The following MAML2 variants were observed in gnomAD, a reference collection of about 807,000 sequenced individuals.
MAML2 encodes the protein mastermind-like protein 2.
A neutral mutation model predicts 96.1 loss-of-function variants in MAML2; 22 were observed. That is an observed-to-expected ratio of 0.23 (90% confidence interval 0.16 to 0.33). The LOEUF (loss-of-function observed/expected upper bound fraction) is 0.33, where lower values mean the gene tolerates loss of function less well. MAML2 is among the 10% of genes least tolerant of loss of function. The pLI, the probability that MAML2 is intolerant of heterozygous loss-of-function variation, is 1.00. For synonymous variants in MAML2, 561 were observed against 521.3 expected (o/e 1.08, Z -1.04); for missense variants, 1,367 against 1,392.4 (o/e 0.98, Z 0.29).
chr11:96,061,269 G>T (rs1008824908), intron 2 of MAML2, among the ~76,000 whole-genome samples: 3 of 152,164 alleles, frequency 2.0e-5, no homozygotes, highest in African/African-American at 4.8e-5. Flanking sequence ...GAAGTAGTCT[G>T]CTTGGATTAT....
At chr11:96,019,850 C>T (rs1469917433) in intron 2 of MAML2, among the ~76,000 whole-genome samples, 2 of 152,058 alleles carry the variant, frequency 1.3e-5, no homozygotes, top group Non-Finnish European at 2.9e-5. Flanking sequence ...ACATCAAAGT[C>T]CATTTTAAGT....
At chr11:96,300,030 T>C (rs1863365595) in intron 1 of MAML2, among the ~76,000 whole-genome samples, 1 of 151,950 alleles carries the variant, frequency 6.6e-6, no homozygotes. Context: ...ACAGTGGAGA[T>C]AATAGAGGTT....
intron 1 of MAML2, among the ~76,000 whole-genome samples, chr11:96,195,825 A>G (rs1861721247): frequency 2.0e-5 from 3 of 152,226 alleles, no homozygotes; most frequent in African/African-American, 7.2e-5. Context: ...CCAAACTACT[A>G]TCCATGTAGC....
rs532994317 is a variant in MAML2, at chr11:96,226,405, C to A, written c.513+114978G>T. On this transcript the variant is annotated intron_variant, in intron 1 of 4. Coordinates refer to ENST00000524717, the MANE Select transcript of MAML2 (RefSeq NM_032427.4). ...CTATATAGTCTCTCACACATAAGAG[C>A]AATCATTGCCAATAATGCCATCCTC... is the stretch of plus-strand genomic sequence containing the variant. Among the ~76,000 whole-genome samples the A allele has an allele frequency of 3.3e-5, 5 of 152,274 alleles. No homozygotes were observed. The South Asian group carries it at 6.2e-4, about 19-fold the overall frequency.
At chr11:96,173,501 C>G (rs553523032) in intron 1 of MAML2, among the ~76,000 whole-genome samples, 4 of 152,226 alleles carry the variant, frequency 2.6e-5, no homozygotes, top group African/African-American at 9.6e-5. Flanking sequence ...AATGGCAATT[C>G]TGGGGGAAGA....
At position 96,031,860 on chromosome 11, in the gene MAML2, C is replaced by A. The variant is rs1858620685; in HGVS notation, c.2140-40137G>T. Among the ~76,000 whole-genome samples the A allele has an allele frequency of 2.6e-5, 4 of 152,062 alleles. No homozygotes were observed. The South Asian group carries it at 6.2e-4, about 24-fold the overall frequency. On this transcript the variant is annotated intron_variant, in intron 2 of 4. Coordinates refer to ENST00000524717, the MANE Select transcript of MAML2 (RefSeq NM_032427.4). ...AATTAGCTGGGCATGGTGGTGGACA[C>A]CTGTAGTCCCAGCCTCTTGGGAGGC...
intron 1 of MAML2, among the ~76,000 whole-genome samples, chr11:96,286,627 CTTTT>C (rs10550785): frequency 0.031 from 4,364 of 142,616 alleles, 76 homozygotes; most frequent in South Asian, 0.051. Context: ...TTCTTTTTAT[CTTTT>C]TTTTTTTTTT....
At chr11:96,267,906 T>C (rs1015992464) in intron 1 of MAML2, among the ~76,000 whole-genome samples, 1 of 152,358 alleles carries the variant, frequency 6.6e-6, no homozygotes, top group Non-Finnish European at 1.5e-5. Flanking sequence ...GCTATTTTCA[T>C]GCACTGTTTA....
chr11:96,113,835 A>G (rs1019347329), intron 1 of MAML2, among the ~76,000 whole-genome samples: 4 of 152,176 alleles, frequency 2.6e-5, no homozygotes, highest in African/African-American at 9.7e-5. Flanking sequence ...CTGAAAGCAT[A>G]TGAAGGCGGT....
At chr11:96,005,672 T>TG (rs1355384074) in intron 2 of MAML2, among the ~76,000 whole-genome samples, 2 of 152,226 alleles carry the variant, frequency 1.3e-5, no homozygotes, top group Admixed American at 6.5e-5. Flanking sequence ...ATGGAAATGT[T>TG]GAATAAATGT....
intron 1 of MAML2, among the ~76,000 whole-genome samples, chr11:96,315,142 CAT>C (rs919976125): frequency 2.0e-5 from 3 of 152,188 alleles, no homozygotes; most frequent in African/African-American, 7.2e-5. Flanking sequence ...CTCCATCAGA[CAT>C]ATTTTGCCTT....
chr11:96,071,064 G>A (rs966309844), intron 2 of MAML2, among the ~76,000 whole-genome samples: 1 of 152,204 alleles, frequency 6.6e-6, no homozygotes, highest in African/African-American at 2.4e-5. Flanking sequence ...AAAGCTAAGG[G>A]GCCTTCTGAG....
intron 2 of MAML2, among the ~76,000 whole-genome samples, chr11:96,039,874 C>T (rs532195772): frequency 1.3e-5 from 2 of 149,682 alleles, no homozygotes; most frequent in South Asian, 2.1e-4. Context: ...AGGAGAATGG[C>T]GTGAACCCGG....
At chr11:96,335,353 A>T (rs992682814) in intron 1 of MAML2, among the ~76,000 whole-genome samples, 1 of 152,234 alleles carries the variant, frequency 6.6e-6, no homozygotes, top group South Asian at 2.1e-4. Context: ...TGATTTACAC[A>T]TCAAGAGAGT....
chr11:96,215,425 C>T (rs1018839093), intron 1 of MAML2, among the ~76,000 whole-genome samples: 2 of 152,184 alleles, frequency 1.3e-5, no homozygotes, highest in African/African-American at 4.8e-5. Context: ...ATTTTTAATT[C>T]TCTGCTTTGT....
At chr11:96,102,092 C>T (rs926258176) in intron 1 of MAML2, among the ~76,000 whole-genome samples, 13 of 152,112 alleles carry the variant, frequency 8.5e-5, no homozygotes, top group Admixed American at 1.3e-4. Flanking sequence ...CTAGCTAACA[C>T]GGTGAAACAC....
chr11:96,076,430 T>TCC (rs1248476184), intron 2 of MAML2, among the ~76,000 whole-genome samples: 3 of 136,442 alleles, frequency 2.2e-5, no homozygotes, highest in Non-Finnish European at 4.5e-5. Flanking sequence ...TCTCTCTCTC[T>TCC]CTCACACACA....
chr11:96,170,792 G>T (rs531541608), intron 1 of MAML2, among the ~76,000 whole-genome samples: 6 of 152,258 alleles, frequency 3.9e-5, no homozygotes, highest in African/African-American at 1.2e-4. Context: ...TTGGCTCACT[G>T]CAAGCTCCGC....
chr11:95,981,514 C>T (rs1857736887), intron 4 of MAML2, among the ~76,000 whole-genome samples: 1 of 152,284 alleles, frequency 6.6e-6, no homozygotes, highest in African/African-American at 2.4e-5. Flanking sequence ...GGGCTATCCC[C>T]TGCTGCTTAA....
Sources: gnomAD v4.1 joint callset for allele counts (sites outside exome capture counted in the v4.1 genomes callset) on GRCh38, gnomAD v4.1.1 for gene constraint, MANE v1.5 for transcripts, NCBI Gene and HGNC (gene_info 2026-07-23, HGNC 2026-07-21) for gene names.